Variants in FSTL5 observed in about 807,000 individuals in gnomAD.
FSTL5 encodes the protein follistatin like 5, also known as follistatin-related protein 5.
In FSTL5, 62 loss-of-function variants were observed where a neutral mutation model predicts 89.1. The ratio of observed to expected loss-of-function variants is 0.70; its 90% CI spans 0.57 to 0.86. The LOEUF is 0.86. Ranked by LOEUF, FSTL5 falls within the 40% of genes least tolerant of loss-of-function variation. The pLI, the probability that FSTL5 is intolerant of heterozygous loss-of-function variation, is 0.00. For missense variants in FSTL5, 1,057 were observed against 1,001.6 expected, an observed-to-expected ratio of 1.06 and a Z score of -0.75; for synonymous variants, 383 against 346.2, an observed-to-expected ratio of 1.11 and a Z score of -1.18.
chr4:161,877,096 A>G (rs1732468207), intron 4 of FSTL5, among the ~76,000 whole-genome samples: 2 of 151,176 alleles, frequency 1.3e-5, no homozygotes. Context: ...AGGCAGGAGA[A>G]TCACTTGAAC....
intron 7 of FSTL5, among the ~76,000 whole-genome samples, chr4:161,606,069 A>C (rs1734428298): frequency 6.7e-6 from 1 of 149,404 alleles, no homozygotes. Context: ...CACGTGGAGT[A>C]CAGCGAAGGT....
intron 8 of FSTL5, among the ~76,000 whole-genome samples, chr4:161,586,582 T>C (rs1733625286): frequency 6.6e-6 from 1 of 152,216 alleles, no homozygotes; most frequent in Non-Finnish European, 1.5e-5. Flanking sequence ...CCACTATCTC[T>C]TACTTGGACA....
At chr4:161,836,139 C>T (rs531664612) in intron 4 of FSTL5, among the ~76,000 whole-genome samples, 116 of 151,896 alleles carry the variant, frequency 7.6e-4, no homozygotes, top group Admixed American at 1.1e-3. Flanking sequence ...AAATGATGAG[C>T]TCATGTCCTT....
At chr4:161,460,658 T>C (rs1343975936) in intron 13 of FSTL5, among the ~76,000 whole-genome samples, 1 of 152,192 alleles carries the variant, frequency 6.6e-6, no homozygotes, top group Non-Finnish European at 1.5e-5. Context: ...AATAATGCCC[T>C]TCATTTTGCC....
At chr4:161,397,537 T>G (rs1370130154) in intron 15 of FSTL5, among the ~76,000 whole-genome samples, 1 of 151,378 alleles carries the variant, frequency 6.6e-6, no homozygotes, top group Non-Finnish European at 1.5e-5. Context: ...ATTTTTAACA[T>G]AAAATGATAT....
At chr4:161,977,964 C>T (rs929904521) in intron 3 of FSTL5, among the ~76,000 whole-genome samples, 1 of 152,158 alleles carries the variant, frequency 6.6e-6, no homozygotes. Context: ...TATCTTAACA[C>T]TGTCATAGTG....
At chr4:161,773,227 T>A (rs1287148863) in intron 5 of FSTL5, among the ~76,000 whole-genome samples, 1 of 152,102 alleles carries the variant, frequency 6.6e-6, no homozygotes, top group African/African-American at 2.4e-5. Context: ...CAAAGTCCTG[T>A]AACCATAAAA....
chr4:161,649,099 C>T (rs1398422299), intron 7 of FSTL5, among the ~76,000 whole-genome samples: 7 of 151,922 alleles, frequency 4.6e-5, no homozygotes, highest in South Asian at 2.1e-4. Context: ...GTTAACAGCC[C>T]GGACAACTAC....
At chr4:162,160,737 AT>A (rs1733662602) in intron 1 of FSTL5, among the ~76,000 whole-genome samples, 1 of 150,968 alleles carries the variant, frequency 6.6e-6, no homozygotes, top group South Asian at 2.1e-4. Context: ...TTTAAAAGGT[AT>A]TTTTATTTTT....
chr4:161,451,981 G>A (rs892280683), intron 15 of FSTL5, among the ~76,000 whole-genome samples: 1 of 152,148 alleles, frequency 6.6e-6, no homozygotes, highest in African/African-American at 2.4e-5. Context: ...ACCAGCATGA[G>A]AGAAAAGCAG....
rs142769550 is a variant in FSTL5 at position 161,834,538 on chromosome 4, T to C, written c.410-58464A>G. 1.5e-3 allele frequency among the ~76,000 whole-genome samples: 236 copies of C among 152,302 alleles called. 1 individual carries two copies. Among genetic ancestry groups the C allele is most frequent in the African/African-American group, 5.1e-3 (214 of 41,562 alleles). ...TCCTTGTTTGCAGATGACATGATTG[T>C]ATATCTAGAAAACCCCATTGTCTTA... On this transcript the variant is annotated intron_variant, in intron 4 of 15. Coordinates refer to ENST00000306100, the MANE Select transcript of FSTL5 (RefSeq NM_020116.5).
At chr4:161,947,232 C>A (rs1476864312) in intron 3 of FSTL5, among the ~76,000 whole-genome samples, 1 of 147,982 alleles carries the variant, frequency 6.8e-6, no homozygotes, top group African/African-American at 2.5e-5. Flanking sequence ...TTTTGATGAG[C>A]AGAAATTTTA....
At chr4:161,645,723 C>A (rs1736131795) in intron 7 of FSTL5, among the ~76,000 whole-genome samples, 1 of 152,026 alleles carries the variant, frequency 6.6e-6, no homozygotes, top group African/African-American at 2.4e-5. Context: ...TGACAGAAAT[C>A]CAACTTCCTC....
intron 4 of FSTL5, among the ~76,000 whole-genome samples, chr4:161,912,906 A>G (rs1415712367): frequency 2.0e-5 from 3 of 152,156 alleles, no homozygotes; most frequent in African/African-American, 7.2e-5. Flanking sequence ...AATTCTTGGG[A>G]GTTGGAGCAA....
At chr4:161,813,141 T>C (rs1353081634) in intron 4 of FSTL5, among the ~76,000 whole-genome samples, 1 of 151,914 alleles carries the variant, frequency 6.6e-6, no homozygotes, top group East Asian at 2.0e-4. Context: ...ATTCTCCTGT[T>C]TCAGCCTCCC....
At chr4:161,859,055 C>T (rs958037810) in intron 4 of FSTL5, among the ~76,000 whole-genome samples, 5 of 152,182 alleles carry the variant, frequency 3.3e-5, no homozygotes, top group African/African-American at 1.2e-4. Context: ...TCCATTTTCT[C>T]CAGGCAGCTC....
chr4:161,556,814 A>C (rs1344104110), intron 8 of FSTL5, among the ~76,000 whole-genome samples: 4 of 142,816 alleles, frequency 2.8e-5, no homozygotes, highest in African/African-American at 1.0e-4. Flanking sequence ...TTCTCGGTAA[A>C]AGATTATATA....
At chr4:161,611,266 A>ATATATATATATG in intron 7 of FSTL5, among the ~76,000 whole-genome samples, 1 of 135,964 alleles carries the variant, frequency 7.4e-6, no homozygotes, top group Non-Finnish European at 1.6e-5. Context: ...ATATATATAT[A>ATATATATATATG]TGTAACTTCC....
rs1240577419 is a variant in FSTL5, at chr4:161,779,759, T to TTATATATATATA, written c.410-3697_410-3686dup. 5.1e-4 allele frequency among the ~76,000 whole-genome samples: 16 copies of TTATATATATATA among 31,166 alleles called. 5 individuals carry two copies. The highest frequency in any genetic ancestry group is 1.2e-3 in the South Asian group (1 of 824). The allele number at this position is 31,166 out of a possible 152,430, so 20.4% of individuals were successfully genotyped here. On this transcript the variant is annotated intron_variant, in intron 4 of 15. Coordinates refer to ENST00000306100, the MANE Select transcript of FSTL5 (RefSeq NM_020116.5). ...ATTTGTCCAAGGATTATTTGTAAAG[T>TTATATATATATA]TATATATATATATATGTATATATAT... is the stretch of plus-strand genomic sequence containing the variant.
Sources: allele counts gnomAD v4.1 joint callset (sites outside exome capture counted in the v4.1 genomes callset), GRCh38; gene constraint gnomAD v4.1.1; transcripts MANE v1.5; gene names NCBI Gene and HGNC (gene_info 2026-07-23, HGNC 2026-07-21).